CPNE8: variants seen among roughly 807,000 people sequenced by gnomAD.
CPNE8 encodes the protein copine 8, also known as copine-8.
A neutral mutation model predicts 81.5 loss-of-function variants in CPNE8; 45 were observed. The observed-to-expected ratio is 0.55, with a 90% CI of 0.44 to 0.71. The LOEUF is 0.71. CPNE8 is among the 30% of genes least tolerant of loss of function. The pLI, the probability that CPNE8 is intolerant of heterozygous loss-of-function variation, is 0.00. For missense variants in CPNE8, 594 were observed against 672.1 expected (o/e 0.88, Z 1.28); for synonymous variants, 252 against 226.3 (o/e 1.11, Z -1.02).
intron 10 of CPNE8, among the ~76,000 whole-genome samples, chr12:38,744,742 T>C (rs981700722): frequency 1.7e-5 from 2 of 119,048 alleles, no homozygotes; most frequent in African/African-American, 3.2e-5. Context: ...CAACCATAAG[T>C]TATGCATGCC....
Position 38,818,861 on chromosome 12 carries a change from A to T in CPNE8, c.407+10518T>A, listed in dbSNP as rs186687573. On this transcript the variant is annotated intron_variant, in intron 6 of 19. Coordinates refer to ENST00000331366, the MANE Select transcript of CPNE8 (RefSeq NM_153634.3). ...GAGATGGTATCTCACTGTGGTTTTG[A>T]TTTGCATTTCTCTAATGACCAGTGT... 2.3e-4 allele frequency among the ~76,000 whole-genome samples: 35 copies of T among 152,150 alleles called. No individual in the cohort carries two copies. The East Asian group carries it at 5.6e-3, about 24-fold the overall frequency.
At chr12:38,865,264 CT>C (rs1943898119) in intron 3 of CPNE8, among the ~76,000 whole-genome samples, 1 of 152,188 alleles carries the variant, frequency 6.6e-6, no homozygotes. Context: ...TGCATTCCCC[CT>C]ATGGCTCAGA....
chr12:38,765,280 T>G (rs1941664227), intron 8 of CPNE8, among the ~76,000 whole-genome samples: 1 of 152,166 alleles, frequency 6.6e-6, no homozygotes, highest in Non-Finnish European at 1.5e-5. Flanking sequence ...ATAATGTGTG[T>G]GTTACAAATA....
upstream of CPNE8, chr12:38,905,609 A>G: frequency 2.6e-6 from 4 of 1,526,494 alleles, no homozygotes; most frequent in East Asian, 4.9e-5. Flanking sequence ...AGCTCCCGTC[A>G]GGCGGGGATG....
At chr12:38,899,563 C>G (rs887258310) in intron 1 of CPNE8, among the ~76,000 whole-genome samples, 1 of 152,134 alleles carries the variant, frequency 6.6e-6, no homozygotes, top group African/African-American at 2.4e-5. Flanking sequence ...AAGGCTTTAC[C>G]TTTTCCAAAA....
At chr12:38,823,084 G>A (rs1943130919) in intron 6 of CPNE8, among the ~76,000 whole-genome samples, 2 of 152,034 alleles carry the variant, frequency 1.3e-5, no homozygotes, top group South Asian at 2.1e-4. Context: ...ACAGACATTT[G>A]ATCTCTAAGT....
chr12:38,799,030 A>C (rs1407107597), intron 6 of CPNE8, among the ~76,000 whole-genome samples: 5 of 152,314 alleles, frequency 3.3e-5, no homozygotes, highest in African/African-American at 1.2e-4. Flanking sequence ...CCAATACAGG[A>C]GCACCCAGAT....
At chr12:38,886,866 A>T (rs1944244731) in intron 1 of CPNE8, among the ~76,000 whole-genome samples, 1 of 152,204 alleles carries the variant, frequency 6.6e-6, no homozygotes, top group African/African-American at 2.4e-5. Flanking sequence ...AGATTCAGAG[A>T]CAAAGACAGG....
chr12:38,725,657 C>T (rs1940679414), intron 11 of CPNE8, among the ~76,000 whole-genome samples: 1 of 152,134 alleles, frequency 6.6e-6, no homozygotes, highest in Non-Finnish European at 1.5e-5. Context: ...AATTTATTAA[C>T]TTAAACTAAG....
chr12:38,742,317 G>A (rs1592054035), intron 10 of CPNE8, among the ~76,000 whole-genome samples: 2 of 152,052 alleles, frequency 1.3e-5, no homozygotes, highest in Non-Finnish European at 2.9e-5. Context: ...AGAAAATGTG[G>A]CACATATACA....
At chr12:38,667,350 T>C (rs897367806) in intron 19 of CPNE8, among the ~76,000 whole-genome samples, 2 of 152,232 alleles carry the variant, frequency 1.3e-5, no homozygotes, top group Non-Finnish European at 2.9e-5. Flanking sequence ...TCAAGAGTGT[T>C]TCTCTCCTTT....
In CPNE8 at chr12:38,746,886, C is replaced by T. The variant is rs115173780; in HGVS notation, c.722+13961G>A. 4.7e-3 allele frequency among the ~76,000 whole-genome samples: 713 copies of T among 152,128 alleles called. 4 individuals are homozygous for T. The highest frequency in any genetic ancestry group is 0.016 in the African/African-American group (660 of 41,486). The stretch of plus-strand genomic sequence containing the variant: ...TATGACTTAGATGGTTTTTGTCTCC[C>T]GAACTAGTAAGATTGAAATGTAATG... On this transcript the variant is annotated intron_variant, in intron 10 of 19. Transcript: ENST00000331366.
chr12:38,885,530 T>G (rs1944225117), intron 1 of CPNE8, among the ~76,000 whole-genome samples: 1 of 152,162 alleles, frequency 6.6e-6, no homozygotes, highest in African/African-American at 2.4e-5. Flanking sequence ...TACAGATATT[T>G]TATACAGCCC....
chr12:38,904,470 GTT>G (rs11343890), intron 1 of CPNE8, among the ~76,000 whole-genome samples: 77 of 120,280 alleles, frequency 6.4e-4, no homozygotes, highest in Non-Finnish European at 7.5e-4. Context: ...GTTTTTTTTT[GTT>G]TTTTTTTTTT....
chr12:38,796,340 A>C (rs1942472263), intron 6 of CPNE8, among the ~76,000 whole-genome samples: 1 of 152,144 alleles, frequency 6.6e-6, no homozygotes, highest in African/African-American at 2.4e-5. Context: ...AGACAAAAAT[A>C]TTTAGTTTTT....
At chr12:38,797,770 G>C (rs1289927286) in intron 6 of CPNE8, among the ~76,000 whole-genome samples, 2 of 152,082 alleles carry the variant, frequency 1.3e-5, no homozygotes, top group Non-Finnish European at 2.9e-5. Context: ...GAGGAAGTTT[G>C]AACCAATGGC....
chr12:38,788,503 A>G (rs1424849240), intron 6 of CPNE8, among the ~76,000 whole-genome samples: 1 of 151,974 alleles, frequency 6.6e-6, no homozygotes, highest in East Asian at 1.9e-4. Flanking sequence ...GTAGTATCAT[A>G]CTGAATAGGT....
rs546545982 is a variant in CPNE8 at position 38,670,251 on chromosome 12, A to G, written c.1506+478T>C. Among the ~76,000 whole-genome samples, 6 of 152,322 alleles carry G rather than the reference A, an allele frequency of 3.9e-5. No homozygotes were observed. In the South Asian group the frequency reaches 1.2e-3, roughly 32 times the overall value. ...TGAGACCTTCTTCCTTTTCCTATCC[A>G]AAAAGATATACTTCACAGCTTTTTT... On this transcript the variant is annotated intron_variant, in intron 19 of 19. Transcript: ENST00000331366.
intron 4 of CPNE8, among the ~76,000 whole-genome samples, chr12:38,844,001 G>A (rs753683464): frequency 1.3e-5 from 2 of 152,152 alleles, no homozygotes; most frequent in East Asian, 1.9e-4. Flanking sequence ...ATTAGACTTC[G>A]ACATTGTTAA....
Sources: allele counts gnomAD v4.1 joint callset (sites outside exome capture counted in the v4.1 genomes callset), GRCh38; gene constraint gnomAD v4.1.1; transcripts MANE v1.5; gene names NCBI Gene and HGNC (gene_info 2026-07-23, HGNC 2026-07-21).